Variants in LHCGR observed in about 807,000 individuals in gnomAD.
LHCGR encodes the protein luteinizing hormone/choriogonadotropin receptor.
LHCGR carries 55 observed loss-of-function variants against 60.7 expected under a neutral mutation model. The observed-to-expected ratio is 0.91, with a 90% CI of 0.73 to 1.13. LHCGR has a LOEUF of 1.13. Ranked by LOEUF, LHCGR falls within the 50% of genes most tolerant of loss-of-function variation. The probability of loss-of-function intolerance (pLI) is 0.00; values close to 1 mark genes in which losing one functional copy is unlikely to be tolerated. For synonymous variants in LHCGR, 337 were observed against 316.5 expected (o/e 1.06, Z -0.69); for missense variants, 862 against 836.0 (o/e 1.03, Z -0.38).
At chr2:48,708,841 G>A in intron 8 of LHCGR, 107 bp downstream of exon 8, 1 of 868,470 alleles carries the variant, frequency 1.2e-6, no homozygotes, top group Non-Finnish European at 2.0e-6. Flanking sequence ...TTCAGGTGTA[G>A]AGGCTGATGT....
At chr2:48,747,355 G>A (rs1417298240) in intron 1 of LHCGR, among the ~76,000 whole-genome samples, 2 of 152,196 alleles carry the variant, frequency 1.3e-5, no homozygotes, top group African/African-American at 4.8e-5. Flanking sequence ...GCCTCCAGAA[G>A]TGCTGGGATT....
rs1279341509 is a variant in LHCGR, at chr2:48,687,685, C to G, written c.*12G>C. On this transcript the variant is annotated 3_prime_UTR_variant, in exon 11 of 11. Coordinates refer to ENST00000294954, the MANE Select transcript of LHCGR (RefSeq NM_000233.4). ...TAAGAACAATTCAATAATGCAGTTA[C>G]TGATGTAACAGTTAACACTCTGTGT... The G allele has an allele frequency of 2.5e-6, 4 of 1,602,562 alleles. No homozygotes were observed. The highest frequency in any genetic ancestry group is 2.6e-6 in the Non-Finnish European group (3 of 1,169,596).
At chr2:48,698,046 T>A (rs1467131808) in intron 9 of LHCGR, among the ~76,000 whole-genome samples, 1 of 152,208 alleles carries the variant, frequency 6.6e-6, no homozygotes, top group African/African-American at 2.4e-5. Context: ...CACCCTGGAC[T>A]GAACGGAATC....
intron 1 of LHCGR, chr2:48,733,025 C>A: frequency 1.9e-6 from 1 of 523,858 alleles, no homozygotes; most frequent in Admixed American, 2.0e-5. Flanking sequence ...GAATCATGTT[C>A]GCTTGGCTTC....
intron 1 of LHCGR, among the ~76,000 whole-genome samples, chr2:48,749,298 A>G (rs1669850214): frequency 6.6e-6 from 1 of 152,240 alleles, no homozygotes; most frequent in Non-Finnish European, 1.5e-5. Context: ...CCACCAAGTC[A>G]GAAAGCCCAC....
At chr2:48,740,738 G>A (rs554178599) in intron 1 of LHCGR, among the ~76,000 whole-genome samples, 40 of 152,182 alleles carry the variant, frequency 2.6e-4, no homozygotes, top group African/African-American at 7.9e-4. Flanking sequence ...CACAAAGATG[G>A]GGAAAAAACA....
chr2:48,728,470 G>A (rs961932381), intron 3 of LHCGR, among the ~76,000 whole-genome samples: 9 of 152,266 alleles, frequency 5.9e-5, no homozygotes, highest in African/African-American at 2.2e-4. Context: ...GCAGTAGGGG[G>A]CCTGGTGTAG....
At chr2:48,696,575 T>C (rs980002791) in intron 9 of LHCGR, among the ~76,000 whole-genome samples, 1 of 152,170 alleles carries the variant, frequency 6.6e-6, no homozygotes, top group African/African-American at 2.4e-5. Context: ...ATCACCTACG[T>C]ACCCATTAGT....
intron 10 of LHCGR, among the ~76,000 whole-genome samples, chr2:48,693,144 A>G (rs1666942029): frequency 6.6e-6 from 1 of 152,218 alleles, no homozygotes; most frequent in Non-Finnish European, 1.5e-5. Context: ...CTGATAGAAT[A>G]CTGAGCAAGA....
At chr2:48,725,540 C>T in intron 4 of LHCGR, 136 bp downstream of exon 4, 1 of 705,978 alleles carries the variant, frequency 1.4e-6, no homozygotes, top group Non-Finnish European at 2.5e-6. Context: ...AAATTTAAAT[C>T]AGAAGGCTGA....
intron 7 of LHCGR, among the ~76,000 whole-genome samples, chr2:48,711,225 C>T (rs1285537971): frequency 6.6e-6 from 1 of 152,144 alleles, no homozygotes; most frequent in Admixed American, 6.6e-5. Context: ...ATCGTTCACC[C>T]CTCATACTCT....
In LHCGR at chr2:48,752,310, C is replaced by T. The variant is rs1000152885; in HGVS notation, c.161+3201G>A. 1.3e-5 allele frequency among the ~76,000 whole-genome samples: 2 copies of T among 151,996 alleles called. 1 individual carries two copies. The highest frequency in any genetic ancestry group is 1.3e-4 in the Admixed American group (2 of 15,250). On this transcript the variant is annotated intron_variant, in intron 1 of 10. Transcript: ENST00000294954. ...CAAATAGTGAACTTTGGATGGAGGT[C>T]TTAGAAGGTAAGGTTACTAGGACCC...
chr2:48,699,668 G>T (rs556176288), intron 8 of LHCGR, among the ~76,000 whole-genome samples: 2 of 152,348 alleles, frequency 1.3e-5, no homozygotes, highest in South Asian at 4.1e-4. Flanking sequence ...GTTCTCTAAT[G>T]CATGTTCTCT....
At chr2:48,733,286 G>C (rs1292374463) in intron 1 of LHCGR, 3 of 186,724 alleles carry the variant, frequency 1.6e-5, no homozygotes, top group Non-Finnish European at 2.2e-5. Flanking sequence ...AAGTCTCTCA[G>C]CAGGCAGCCT....
At chr2:48,694,153 A>G in intron 10 of LHCGR, 71 bp downstream of exon 10, 1 of 927,432 alleles carries the variant, frequency 1.1e-6, no homozygotes, top group Non-Finnish European at 1.7e-6. Flanking sequence ...AAAGAAAATA[A>G]TTGATGCTGA....
Position 48,755,531 on chromosome 2 carries a change from G to T in LHCGR, c.141C>A (p.Pro47=). The T allele has an allele frequency of 6.5e-7, 1 of 1,541,096 alleles. No individual in the cohort carries two copies. Residue 47 remains proline (P), a synonymous_variant, in exon 1 of 11, where the codon CCC becomes CCA. Transcript: ENST00000294954. ...CTCACAGTCGAGTGAGACCGGCCGT[G>T]GGGCCGGGGCAGCGCAGGGCGCCGT... ...VPDGALRCPG[P]TAGLTRLSLA...
At position 48,755,683 on chromosome 2, in the gene LHCGR, T is replaced by C. The variant is rs1447148901; in HGVS notation, c.-12A>G. The C allele has an allele frequency of 2.0e-6, 3 of 1,534,626 alleles. No individual in the cohort carries two copies. Among genetic ancestry groups the C allele is most frequent in the Non-Finnish European group, 2.6e-6 (3 of 1,146,344 alleles). ...AACCGCTGCTTCATGGCCGGCGAAC[T>C]GGGCTTCTGCGGCTTGCCAGTGTCT... On this transcript the variant is annotated 5_prime_UTR_variant, in exon 1 of 11. Coordinates refer to ENST00000294954, the MANE Select transcript of LHCGR (RefSeq NM_000233.4).
intron 1 of LHCGR, among the ~76,000 whole-genome samples, chr2:48,733,384 T>C (rs957941733): frequency 1.3e-5 from 2 of 152,044 alleles, no homozygotes; most frequent in African/African-American, 4.8e-5. Flanking sequence ...TTTTGATTGA[T>C]GTAGGGAGGA....
chr2:48,743,172 A>G (rs1669549276), intron 1 of LHCGR, among the ~76,000 whole-genome samples: 1 of 152,192 alleles, frequency 6.6e-6, no homozygotes, highest in Admixed American at 6.5e-5. Context: ...ATAGACCAAT[A>G]ACAGGATCTG....
Sources: allele counts gnomAD v4.1 joint callset (sites outside exome capture counted in the v4.1 genomes callset), GRCh38; gene constraint gnomAD v4.1.1; transcripts MANE v1.5; gene names NCBI Gene and HGNC (gene_info 2026-07-23, HGNC 2026-07-21).